Variants in GALNTL6 observed in about 807,000 individuals in gnomAD.
GALNTL6 encodes the protein polypeptide N-acetylgalactosaminyltransferase-like 6.
In GALNTL6, 46 loss-of-function variants were observed where a neutral mutation model predicts 73.7. The ratio of observed to expected loss-of-function variants is 0.62; its 90% CI spans 0.49 to 0.80. The LOEUF is 0.80. Among genes scored for constraint, GALNTL6 ranks in the 30% least tolerant of loss-of-function variants. The probability of loss-of-function intolerance (pLI) is 0.00; values close to 1 mark genes in which losing one functional copy is unlikely to be tolerated. For synonymous variants in GALNTL6, 259 were observed against 263.7 expected (o/e 0.98, Z 0.17); for missense variants, 604 against 755.0 (o/e 0.80, Z 2.34).
intron 2 of GALNTL6, among the ~76,000 whole-genome samples, chr4:171,929,291 T>A (rs1258595291): frequency 6.6e-6 from 1 of 152,164 alleles, no homozygotes; most frequent in African/African-American, 2.4e-5. Flanking sequence ...AGTCTGGTCT[T>A]GAATTCCTGG....
intron 4 of GALNTL6, among the ~76,000 whole-genome samples, chr4:172,314,600 CTTTTTTTTTTT>C (rs773057515): frequency 1.4e-5 from 1 of 70,674 alleles, no homozygotes; most frequent in African/African-American, 6.1e-5. Flanking sequence ...AATGCGTAGG[CTTTTTTTTTTT>C]TTTTTTTTTT....
At chr4:172,277,263 C>CAAAA (rs10645932) in intron 3 of GALNTL6, among the ~76,000 whole-genome samples, 2 of 145,530 alleles carry the variant, frequency 1.4e-5, no homozygotes, top group African/African-American at 5.0e-5. Flanking sequence ...ATAAAAAATG[C>CAAAA]AAAAAAAAAA....
chr4:171,996,392 A>G (rs1740484454), intron 2 of GALNTL6, among the ~76,000 whole-genome samples: 1 of 152,096 alleles, frequency 6.6e-6, no homozygotes, highest in South Asian at 2.1e-4. Context: ...CCATTATTTT[A>G]TAAATCAGAT....
chr4:173,034,196 G>C (rs929505219), intron 12 of GALNTL6, among the ~76,000 whole-genome samples: 2 of 152,026 alleles, frequency 1.3e-5, no homozygotes, highest in African/African-American at 2.4e-5. Flanking sequence ...TCTCGTTTTT[G>C]CATCAGCTGA....
rs1310689239 is a variant in GALNTL6, at chr4:172,156,529, CATATATATATAATATATATATATAT to C, written c.139-73115_139-73091del. Among the ~76,000 whole-genome samples, 11 of 71,600 alleles carry C rather than the reference CATATATATATAATATATATATATAT, an allele frequency of 1.5e-4. No homozygotes were observed. In the South Asian group the frequency reaches 4.2e-3, roughly 28 times the overall value. 47.0% of individuals were successfully genotyped at this position (71,600 alleles called of 152,430 possible). On this transcript the variant is annotated intron_variant, in intron 2 of 12. Coordinates refer to ENST00000506823, the MANE Select transcript of GALNTL6 (RefSeq NM_001034845.3). Reference sequence around the variant, plus strand: ...AGGCAGATATTTGACTTTAAATATACATATATATATAATATATATATATATATATATATATATACATACTATATAT... The same window carrying C: ...AGGCAGATATTTGACTTTAAATATACATATATATATATACATACTATATAT...
chr4:172,426,764 T>C (rs946689947), intron 5 of GALNTL6, among the ~76,000 whole-genome samples: 1 of 152,156 alleles, frequency 6.6e-6, no homozygotes, highest in Non-Finnish European at 1.5e-5. Flanking sequence ...AGACTGGATT[T>C]TCCTCTAGTA....
chr4:172,496,363 T>G (rs1292004802), intron 5 of GALNTL6, among the ~76,000 whole-genome samples: 1 of 152,118 alleles, frequency 6.6e-6, no homozygotes, highest in East Asian at 1.9e-4. Context: ...TTTCTAGAAA[T>G]AAGTTATATT....
intron 2 of GALNTL6, among the ~76,000 whole-genome samples, chr4:171,879,601 A>G (rs189667017): frequency 1.3e-5 from 2 of 152,226 alleles, no homozygotes; most frequent in Non-Finnish European, 2.9e-5. Context: ...CAATAAACAA[A>G]CAACCAATAT....
chr4:172,684,939 C>T (rs1352000689), intron 5 of GALNTL6, among the ~76,000 whole-genome samples: 2 of 152,168 alleles, frequency 1.3e-5, no homozygotes, highest in East Asian at 3.8e-4. Flanking sequence ...CTCACTCTAG[C>T]TGGAATGTAA....
chr4:172,269,454 T>C (rs72702869), intron 3 of GALNTL6, among the ~76,000 whole-genome samples: 6,187 of 152,116 alleles, frequency 0.041, 185 homozygotes, highest in Non-Finnish European at 0.064. Flanking sequence ...CCACGGCAAA[T>C]AGGGTCCCAG....
chr4:171,924,135 T>C (rs979431022), intron 2 of GALNTL6, among the ~76,000 whole-genome samples: 2 of 149,156 alleles, frequency 1.3e-5, no homozygotes, highest in African/African-American at 5.0e-5. Context: ...CCTCTGGGAA[T>C]AAAAGAACTA....
intron 7 of GALNTL6, among the ~76,000 whole-genome samples, chr4:172,819,536 C>T (rs771475905): frequency 1.3e-5 from 2 of 152,166 alleles, no homozygotes; most frequent in Non-Finnish European, 2.9e-5. Context: ...TTAACAGCTA[C>T]TACTAGAATC....
intron 2 of GALNTL6, among the ~76,000 whole-genome samples, chr4:172,041,106 C>G (rs186011606): frequency 6.6e-6 from 1 of 152,010 alleles, no homozygotes; most frequent in Non-Finnish European, 1.5e-5. Context: ...TTTTAGATTG[C>G]TAATCACAGC....
At chr4:171,917,205 T>C (rs1737656509) in intron 2 of GALNTL6, among the ~76,000 whole-genome samples, 1 of 151,982 alleles carries the variant, frequency 6.6e-6, no homozygotes, top group Non-Finnish European at 1.5e-5. Context: ...AGTGGGCATA[T>C]ATGTTTCACC....
At chr4:172,041,726 G>C (rs2110840830) in intron 2 of GALNTL6, among the ~76,000 whole-genome samples, 1 of 152,142 alleles carries the variant, frequency 6.6e-6, no homozygotes, top group South Asian at 2.1e-4. Context: ...TAGTAGCAAG[G>C]AGTAATTATA....
At chr4:172,789,583 G>A (rs1287211420) in intron 5 of GALNTL6, among the ~76,000 whole-genome samples, 1 of 152,188 alleles carries the variant, frequency 6.6e-6, no homozygotes, top group African/African-American at 2.4e-5. Flanking sequence ...GGCAAGGTGT[G>A]AGGGAAGGGG....
intron 8 of GALNTL6, among the ~76,000 whole-genome samples, chr4:172,902,395 C>T (rs1746673806): frequency 6.6e-6 from 1 of 152,100 alleles, no homozygotes; most frequent in Non-Finnish European, 1.5e-5. Flanking sequence ...AGAAGGAAGC[C>T]CAAGGACTCT....
chr4:172,879,746 G>C (rs1478552840), intron 7 of GALNTL6, among the ~76,000 whole-genome samples: 1 of 151,432 alleles, frequency 6.6e-6, no homozygotes. Flanking sequence ...AAAGTAAGCA[G>C]AAGAATTAAA....
At chr4:172,075,599 T>C (rs746065993) in intron 2 of GALNTL6, among the ~76,000 whole-genome samples, 1 of 152,154 alleles carries the variant, frequency 6.6e-6, no homozygotes, top group African/African-American at 2.4e-5. Flanking sequence ...CCTCCCAAAG[T>C]GCTGGGATTA....
Sources: gnomAD v4.1 joint callset for allele counts (sites outside exome capture counted in the v4.1 genomes callset) on GRCh38, gnomAD v4.1.1 for gene constraint, MANE v1.5 for transcripts, NCBI Gene and HGNC (gene_info 2026-07-23, HGNC 2026-07-21) for gene names.